The following LRRTM4 variants were observed in gnomAD, a reference collection of about 807,000 sequenced individuals.
The protein encoded by LRRTM4 is leucine rich repeat transmembrane neuronal 4.
LRRTM4 carries 25 observed loss-of-function variants against 47.6 expected under a neutral mutation model. That is an observed-to-expected ratio of 0.53 (90% CI 0.38 to 0.73). The LOEUF (loss-of-function observed/expected upper bound fraction) is 0.73, where lower values mean the gene tolerates loss of function less well. Ranked by LOEUF, LRRTM4 falls within the 30% of genes least tolerant of loss-of-function variation. The pLI is 0.00. For missense variants in LRRTM4, 638 were observed against 713.4 expected (o/e 0.89, Z 1.20); for synonymous variants, 311 against 269.5 (o/e 1.15, Z -1.51).
At chr2:76,903,623 G>T (rs984662691) in intron 3 of LRRTM4, among the ~76,000 whole-genome samples, 4 of 152,194 alleles carry the variant, frequency 2.6e-5, no homozygotes, top group African/African-American at 7.2e-5. Flanking sequence ...GATGGTGTTT[G>T]TTGGTGATAT....
intron 3 of LRRTM4, among the ~76,000 whole-genome samples, chr2:77,069,937 T>C (rs1680095501): frequency 2.0e-5 from 3 of 152,300 alleles, no homozygotes; most frequent in Admixed American, 2.0e-4. Context: ...GTAAAACATA[T>C]TTCAGAAATA....
chr2:77,107,298 T>A (rs1433141730), intron 3 of LRRTM4, among the ~76,000 whole-genome samples: 3 of 115,632 alleles, frequency 2.6e-5, no homozygotes, highest in African/African-American at 1.7e-4. Flanking sequence ...TATATTACCT[T>A]TATATATTGC....
intron 3 of LRRTM4, among the ~76,000 whole-genome samples, chr2:77,207,349 GTATATATA>G (rs1553409290): frequency 8.3e-6 from 1 of 120,840 alleles, no homozygotes; most frequent in Non-Finnish European, 1.6e-5. Context: ...TCATATATGT[GTATATATA>G]TATATATATA....
At chr2:77,008,736 G>A (rs72912512) in intron 3 of LRRTM4, among the ~76,000 whole-genome samples, 5,962 of 151,970 alleles carry the variant, frequency 0.039, 402 homozygotes, top group African/African-American at 0.14. Flanking sequence ...CTTCTGCCTG[G>A]GACACAGTGA....
chr2:76,940,797 T>C lies in LRRTM4; in HGVS notation c.1552-191881A>G, dbSNP rs557237509. Among the ~76,000 whole-genome samples, 26 of 152,250 alleles carry C rather than the reference T, an allele frequency of 1.7e-4. 1 individual carries two copies. The South Asian group carries it at 3.7e-3, about 22-fold the overall frequency. On this transcript the variant is annotated intron_variant, in intron 3 of 3. Transcript: ENST00000409884. Reference sequence around the variant, plus strand: ...CTTACTACACTGTGCTAACCTGAACTCCCTTCTTAAGCCCAGAATTTAAAC... The same window carrying C: ...CTTACTACACTGTGCTAACCTGAACCCCCTTCTTAAGCCCAGAATTTAAAC...
chr2:77,034,751 T>C (rs968518907), intron 3 of LRRTM4, among the ~76,000 whole-genome samples: 1 of 151,978 alleles, frequency 6.6e-6, no homozygotes, highest in Non-Finnish European at 1.5e-5. Context: ...TGTTTATCTT[T>C]TGGTGATGTT....
At chr2:76,814,772 C>T (rs547958662) in intron 3 of LRRTM4, among the ~76,000 whole-genome samples, 7 of 150,732 alleles carry the variant, frequency 4.6e-5, no homozygotes, top group South Asian at 2.1e-4. Flanking sequence ...ATAACAATAG[C>T]AATACTAAAA....
At chr2:77,417,092 C>CAG (rs36187134) in intron 3 of LRRTM4, among the ~76,000 whole-genome samples, 19,217 of 151,770 alleles carry the variant, frequency 0.13, 1,738 homozygotes, top group African/African-American at 0.25. Context: ...AGGATATGAA[C>CAG]ACACTTCTCA....
intron 3 of LRRTM4, among the ~76,000 whole-genome samples, chr2:77,199,936 A>G (rs1673928602): frequency 6.6e-6 from 1 of 152,058 alleles, no homozygotes; most frequent in African/African-American, 2.4e-5. Flanking sequence ...AAAAAGCTCA[A>G]AACTTTTGCT....
intron 3 of LRRTM4, among the ~76,000 whole-genome samples, chr2:76,970,838 G>T (rs1049096835): frequency 7.9e-5 from 12 of 152,050 alleles, no homozygotes; most frequent in African/African-American, 2.9e-4. Flanking sequence ...CCAGGTTGGA[G>T]AAGTTGAATT....
At chr2:77,413,277 T>C (rs1219915092) in intron 3 of LRRTM4, among the ~76,000 whole-genome samples, 2 of 152,194 alleles carry the variant, frequency 1.3e-5, no homozygotes, top group Non-Finnish European at 2.9e-5. Flanking sequence ...GGTCTGGCTT[T>C]AGTTGCTGCG....
At chr2:77,323,520 C>T (rs1670635889) in intron 3 of LRRTM4, among the ~76,000 whole-genome samples, 1 of 152,002 alleles carries the variant, frequency 6.6e-6, no homozygotes, top group Non-Finnish European at 1.5e-5. Context: ...TTTCCTGCTG[C>T]TTGAAAATGA....
chr2:77,493,633 T>C (rs1389800659), intron 3 of LRRTM4, among the ~76,000 whole-genome samples: 1 of 152,250 alleles, frequency 6.6e-6, no homozygotes, highest in African/African-American at 2.4e-5. Flanking sequence ...AGATATAATA[T>C]TTTGACTCAT....
chr2:76,792,100 C>G (rs1358718320), intron 3 of LRRTM4, among the ~76,000 whole-genome samples: 1 of 151,668 alleles, frequency 6.6e-6, no homozygotes, highest in South Asian at 2.1e-4. Context: ...TATAAATGCC[C>G]ATAGTTAGAG....
At chr2:76,862,639 G>A (rs56270055) in intron 3 of LRRTM4, among the ~76,000 whole-genome samples, 40,265 of 152,114 alleles carry the variant, frequency 0.26, 6,321 homozygotes, top group East Asian at 0.59. Flanking sequence ...ACGCGTGCGC[G>A]CGCACACACA....
chr2:77,286,564 T>G (rs1228945433), intron 3 of LRRTM4, among the ~76,000 whole-genome samples: 1 of 151,514 alleles, frequency 6.6e-6, no homozygotes, highest in East Asian at 1.9e-4. Flanking sequence ...AATTGGCAGT[T>G]TTTTCTTCAC....
chr2:77,453,426 C>T lies in LRRTM4; in HGVS notation c.1551+64892G>A, dbSNP rs768361055. On this transcript the variant is annotated intron_variant, in intron 3 of 3. Transcript: ENST00000409884. ...TGATCTCCTGACCTTGTGATCCTCC[C>T]GCCTCAGCCTCCCAAAGTGCTGGGA... 1.0e-3 allele frequency among the ~76,000 whole-genome samples: 155 copies of T among 152,068 alleles called. 1 individual carries two copies. Among genetic ancestry groups the T allele is most frequent in the South Asian group, 8.3e-4 (4 of 4,818 alleles).
intron 3 of LRRTM4, among the ~76,000 whole-genome samples, chr2:76,999,905 G>T (rs1338250276): frequency 6.6e-6 from 1 of 152,080 alleles, no homozygotes; most frequent in Non-Finnish European, 1.5e-5. Flanking sequence ...TTAAAACTAA[G>T]TTGCTACAGT....
chr2:77,501,094 A>G (rs1678555729), intron 3 of LRRTM4, among the ~76,000 whole-genome samples: 1 of 151,022 alleles, frequency 6.6e-6, no homozygotes, highest in Admixed American at 6.6e-5. Context: ...AGATAGTGGG[A>G]AAGAACCACA....
Sources: gnomAD v4.1 joint callset for allele counts (sites outside exome capture counted in the v4.1 genomes callset) on GRCh38, gnomAD v4.1.1 for gene constraint, MANE v1.5 for transcripts, NCBI Gene and HGNC (gene_info 2026-07-23, HGNC 2026-07-21) for gene names.